Variants in TCF7L2 observed in about 807,000 individuals in gnomAD.
TCF7L2 encodes the protein transcription factor 7 like 2.
TCF7L2 carries 23 observed loss-of-function variants against 77.9 expected under a neutral mutation model. That is an observed-to-expected ratio of 0.30 (90% confidence interval 0.21 to 0.42). The LOEUF is 0.42. Among genes scored for constraint, TCF7L2 ranks in the 10% least tolerant of loss-of-function variants. The probability of loss-of-function intolerance (pLI) is 1.00; values close to 1 mark genes in which losing one functional copy is unlikely to be tolerated. For synonymous variants in TCF7L2, 413 were observed against 340.2 expected, an observed-to-expected ratio of 1.21 and a Z score of -2.36; for missense variants, 654 against 793.1, an observed-to-expected ratio of 0.82 and a Z score of 2.11.
intron 4 of TCF7L2, among the ~76,000 whole-genome samples, chr10:113,000,011 A>G (rs1289468350): frequency 6.6e-6 from 1 of 152,196 alleles, no homozygotes; most frequent in Non-Finnish European, 1.5e-5. Flanking sequence ...CAGATATTCT[A>G]CGGTTAAGTA....
chr10:113,040,206 T>G, intron 5 of TCF7L2, 80 bp downstream of exon 5: 21 of 1,164,960 alleles, frequency 1.8e-5, no homozygotes, highest in Non-Finnish European at 2.5e-5. Flanking sequence ...TAACAGGCCT[T>G]ATTTGTCATT....
intron 5 of TCF7L2, among the ~76,000 whole-genome samples, chr10:113,136,551 G>A (rs983606714): frequency 1.3e-5 from 2 of 152,238 alleles, no homozygotes; most frequent in South Asian, 2.1e-4. Flanking sequence ...ACATTGGTTC[G>A]CTGTCACTGG....
chr10:113,009,217 T>G (rs2133557667), intron 4 of TCF7L2, among the ~76,000 whole-genome samples: 1 of 152,306 alleles, frequency 6.6e-6, no homozygotes. Context: ...TTGCTTCCTG[T>G]GCTCCCCTCT....
chr10:113,085,018 G>T (rs2059690400), intron 5 of TCF7L2, among the ~76,000 whole-genome samples: 1 of 152,014 alleles, frequency 6.6e-6, no homozygotes, highest in Admixed American at 6.6e-5. Flanking sequence ...TGTGAGGTTG[G>T]TTGAGATTCT....
intron 5 of TCF7L2, among the ~76,000 whole-genome samples, chr10:113,079,607 C>T (rs1200839005): frequency 6.6e-6 from 1 of 152,138 alleles, no homozygotes; most frequent in Non-Finnish European, 1.5e-5. Flanking sequence ...GTTTCAGAAC[C>T]ATCTAAATCC....
intron 5 of TCF7L2, among the ~76,000 whole-genome samples, chr10:113,124,988 G>A (rs975103561): frequency 4.6e-5 from 7 of 152,048 alleles, no homozygotes; most frequent in Non-Finnish European, 8.8e-5. Context: ...AGATGTCATC[G>A]TTAAAGGAAA....
At chr10:113,121,282 C>G (rs949185541) in intron 5 of TCF7L2, among the ~76,000 whole-genome samples, 11 of 152,202 alleles carry the variant, frequency 7.2e-5, no homozygotes, top group African/African-American at 2.7e-4. Flanking sequence ...CTTCCTTCCT[C>G]TCCTAGCTGT....
intron 5 of TCF7L2, among the ~76,000 whole-genome samples, chr10:113,119,869 T>C (rs1360215533): frequency 6.6e-6 from 1 of 152,188 alleles, no homozygotes; most frequent in African/African-American, 2.4e-5. Flanking sequence ...GCGGTCTCTT[T>C]TTGAAGGCGC....
At chr10:112,957,142 C>T (rs529823771) in intron 3 of TCF7L2, among the ~76,000 whole-genome samples, 215 of 151,240 alleles carry the variant, frequency 1.4e-3, no homozygotes, top group African/African-American at 4.9e-3. Flanking sequence ...TTTCTTTTCT[C>T]CCTTTTTCCT....
At chr10:113,158,864 GA>G (rs2072511858) in intron 12 of TCF7L2, 147 bp downstream of exon 13, 2 of 652,454 alleles carry the variant, frequency 3.1e-6, no homozygotes, top group Non-Finnish European at 4.6e-6. Flanking sequence ...TGTTTCAGTA[GA>G]TTTTTTTTTT....
chr10:113,022,227 A>AC (rs1389567416), intron 4 of TCF7L2, among the ~76,000 whole-genome samples: 3 of 151,888 alleles, frequency 2.0e-5, no homozygotes, highest in Admixed American at 6.6e-5. Flanking sequence ...ATGCATTGTG[A>AC]CCCCCTGTTT....
intron 5 of TCF7L2, among the ~76,000 whole-genome samples, chr10:113,048,941 A>G (rs1003089139): frequency 6.6e-6 from 1 of 152,094 alleles, no homozygotes; most frequent in African/African-American, 2.4e-5. Context: ...TGCAGGTCAG[A>G]TTTTCATCTT....
intron 5 of TCF7L2, among the ~76,000 whole-genome samples, chr10:113,047,805 A>G (rs1436192883): frequency 6.6e-6 from 1 of 152,220 alleles, no homozygotes; most frequent in Non-Finnish European, 1.5e-5. Flanking sequence ...AGGTCAGCCC[A>G]CAATGAATGT....
chr10:112,988,400 G>A (rs754199952), intron 4 of TCF7L2, among the ~76,000 whole-genome samples: 66 of 152,274 alleles, frequency 4.3e-4, no homozygotes, highest in Admixed American at 9.8e-4. Flanking sequence ...CACCTGGCCC[G>A]TGTGTTGTTT....
At chr10:112,959,679 T>G (rs890228509) in intron 3 of TCF7L2, among the ~76,000 whole-genome samples, 8 of 152,102 alleles carry the variant, frequency 5.3e-5, no homozygotes, top group African/African-American at 1.9e-4. Flanking sequence ...GAGGCCCCCC[T>G]TGGTACTTTT....
In TCF7L2 at chr10:112,974,366, C is replaced by T. The variant is rs2038939800; in HGVS notation, c.450+9742C>T. On this transcript the variant is annotated intron_variant, in intron 4 of 13. Coordinates refer to ENST00000627217, the MANE Select transcript of TCF7L2 (RefSeq NM_001146274.2). ...AGAAAAAAACAACTGTCGTATCAGCCATACGTGTGCCTCTTATGGGCCACG... is the reference window on the plus strand; with the variant it reads ...AGAAAAAAACAACTGTCGTATCAGCTATACGTGTGCCTCTTATGGGCCACG... Among the ~76,000 whole-genome samples, 3 of 152,208 alleles carry T rather than the reference C, an allele frequency of 2.0e-5. No individual in the cohort carries two copies. The South Asian group carries it at 6.2e-4, about 31-fold the overall frequency.
chr10:113,043,236 G>A (rs185678881), intron 5 of TCF7L2, among the ~76,000 whole-genome samples: 2 of 152,300 alleles, frequency 1.3e-5, no homozygotes, highest in East Asian at 1.9e-4. Context: ...CCCATATGGG[G>A]CAGAATCTTC....
chr10:113,115,886 G>T (rs1211222981), intron 5 of TCF7L2, among the ~76,000 whole-genome samples: 1 of 151,872 alleles, frequency 6.6e-6, no homozygotes, highest in Non-Finnish European at 1.5e-5. Flanking sequence ...CCTTAAACAG[G>T]CTGCTGTCAC....
intron 5 of TCF7L2, among the ~76,000 whole-genome samples, chr10:113,062,362 T>C (rs1303051246): frequency 6.6e-6 from 1 of 152,320 alleles, no homozygotes; most frequent in Non-Finnish European, 1.5e-5. Flanking sequence ...GCTTCCCAAG[T>C]GCTCACAAAA....
Sources: gnomAD v4.1 joint callset for allele counts (sites outside exome capture counted in the v4.1 genomes callset) on GRCh38, gnomAD v4.1.1 for gene constraint, MANE v1.5 for transcripts, NCBI Gene and HGNC (gene_info 2026-07-23, HGNC 2026-07-21) for gene names.